The following ADAM7 variants were observed in gnomAD, a reference collection of about 807,000 sequenced individuals.
ADAM7 encodes disintegrin and metalloproteinase domain-containing protein 7.
In ADAM7, 97 loss-of-function variants were observed where a neutral mutation model predicts 102.9. That is an observed-to-expected ratio of 0.94 (90% CI 0.80 to 1.12). ADAM7 has a LOEUF of 1.12. Among genes scored for constraint, ADAM7 ranks in the 50% most tolerant of loss-of-function variants. The pLI is 0.00. For synonymous variants in ADAM7, 334 were observed against 304.4 expected (o/e 1.10, Z -1.01); for missense variants, 991 against 908.7 (o/e 1.09, Z -1.16).
In ADAM7 at chr8:24,492,092, G is replaced by C; in HGVS notation, c.1546G>C (p.Asp516His). The change falls in exon 14 of 22, where the codon GAT becomes CAT. Residue 516 changes from aspartate to histidine, a missense_variant. By Grantham distance (81) the Asp-to-His change is moderately conservative. Coordinates refer to ENST00000175238, the MANE Select transcript of ADAM7 (RefSeq NM_003817.4). ...TGAGGATCAGTGCTCTGAACTATTT[G>C]ATGATGGTGAGAGATAATCACAGTG... ...TREDQCSELF[D>H]DEAIESHDIC... 6.2e-7 allele frequency: 1 copy of C among 1,611,848 alleles called. No individual in the cohort carries two copies. Among genetic ancestry groups the C allele is most frequent in the South Asian group, 1.1e-5 (1 of 90,650 alleles).
At chr8:24,479,149 G>A (rs1819865223) in intron 8 of ADAM7, among the ~76,000 whole-genome samples, 1 of 152,052 alleles carries the variant, frequency 6.6e-6, no homozygotes, top group South Asian at 2.1e-4. Flanking sequence ...TTCAGTAGTG[G>A]CGTGTTGTTT....
intron 3 of ADAM7, among the ~76,000 whole-genome samples, chr8:24,450,837 G>T (rs12679187): frequency 1.3e-5 from 2 of 151,946 alleles, no homozygotes; most frequent in Non-Finnish European, 2.9e-5. Flanking sequence ...AATACCTAAT[G>T]TATTGAGAGT....
At chr8:24,454,854 T>A (rs536538600) in intron 3 of ADAM7, among the ~76,000 whole-genome samples, 15 of 152,202 alleles carry the variant, frequency 9.9e-5, no homozygotes, top group Non-Finnish European at 1.5e-4. Context: ...TATAAACTCA[T>A]GTTGAGAAAT....
intron 3 of ADAM7, among the ~76,000 whole-genome samples, chr8:24,447,937 AACACACACACAC>A (rs55836403): frequency 0.031 from 4,299 of 140,646 alleles, 172 homozygotes; most frequent in African/African-American, 0.09. Context: ...TAAATAACAA[AACACACACACAC>A]ACACACACAC....
chr8:24,445,358 A>G (rs999852331), intron 2 of ADAM7, among the ~76,000 whole-genome samples: 7 of 152,170 alleles, frequency 4.6e-5, no homozygotes, highest in African/African-American at 7.2e-5. Context: ...TAACTAATGC[A>G]CACTTAACAT....
At chr8:24,472,285 T>TA (rs201842284) in intron 7 of ADAM7, among the ~76,000 whole-genome samples, 12 of 150,870 alleles carry the variant, frequency 8.0e-5, no homozygotes, top group African/African-American at 2.2e-4. Flanking sequence ...ACCTTGCATT[T>TA]AAAAAAAAAG....
At chr8:24,494,483 G>A (rs1424812240) in intron 16 of ADAM7, among the ~76,000 whole-genome samples, 1 of 151,456 alleles carries the variant, frequency 6.6e-6, no homozygotes, top group Non-Finnish European at 1.5e-5. Flanking sequence ...CTTTAAGAGT[G>A]GCAAGGACTG....
intron 4 of ADAM7, among the ~76,000 whole-genome samples, chr8:24,465,288 ATG>A (rs1483242614): frequency 2.6e-5 from 4 of 152,188 alleles, no homozygotes; most frequent in Non-Finnish European, 4.4e-5. Context: ...TTGGACTACC[ATG>A]GGCAGAGCAT....
Position 24,489,186 on chromosome 8 carries a change from C to A in ADAM7, c.1119C>A (p.Cys373Ter), listed in dbSNP as rs1820250915. Residue 373 changes from cysteine (C) to a stop codon, truncating the protein, a stop_gained, in exon 12 of 22, where the codon TGC becomes TGA. Coordinates refer to ENST00000175238, the MANE Select transcript of ADAM7 (RefSeq NM_003817.4). LOFTEE classifies it high-confidence loss of function. ...TTCCTGCACTGAAATTCAGTAAATG[C>A]AGCCAAAACCAATACCACCAGTACT... ...GSIPALKFSK[C>*]SQNQYHQYLK... 4.3e-6 allele frequency: 7 copies of A among 1,611,080 alleles called. No individual in the cohort carries two copies. In the East Asian group the frequency reaches 8.9e-5, roughly 21 times the overall value.
chr8:24,471,294 A>G (rs1385210736), intron 7 of ADAM7, among the ~76,000 whole-genome samples: 2 of 152,100 alleles, frequency 1.3e-5, no homozygotes, highest in Admixed American at 6.6e-5. Context: ...ATAAAAATAT[A>G]CTTGTGTAAA....
Position 24,489,139 on chromosome 8 carries a change from T to C in ADAM7, c.1092-20T>C. The C allele has an allele frequency of 6.3e-7, 1 of 1,590,080 alleles. No individual in the cohort carries two copies. Among genetic ancestry groups the C allele is most frequent in the Non-Finnish European group, 8.6e-7 (1 of 1,168,848 alleles). ...GCATTGATATGATTAATCTTTATTT[T>C]TACCTCATTCTATCTCTAGCATTCC... On this transcript the variant is annotated intron_variant, in intron 11 of 21. Transcript: ENST00000175238.
intron 4 of ADAM7, among the ~76,000 whole-genome samples, chr8:24,465,111 A>C (rs1296873849): frequency 6.6e-6 from 1 of 152,156 alleles, no homozygotes; most frequent in Non-Finnish European, 1.5e-5. Context: ...ATGAGAGCTA[A>C]GTCTTCATGC....
intron 8 of ADAM7, 134 bp from the exon 9 acceptor site, chr8:24,482,008 A>T: frequency 1.8e-6 from 1 of 569,552 alleles, no homozygotes; most frequent in Non-Finnish European, 2.9e-6. Flanking sequence ...TTGCAACATG[A>T]GGCTTGCACT....
At chr8:24,472,915 TAAATA>T (rs1819654131) in intron 7 of ADAM7, among the ~76,000 whole-genome samples, 1 of 151,918 alleles carries the variant, frequency 6.6e-6, no homozygotes, top group Admixed American at 6.6e-5. Context: ...AGACAAAATA[TAAATA>T]AAAGTTACAC....
chr8:24,485,662 A>G (rs1261668995), intron 10 of ADAM7, among the ~76,000 whole-genome samples: 1 of 152,200 alleles, frequency 6.6e-6, no homozygotes, highest in Non-Finnish European at 1.5e-5. Context: ...ATAAGGACAA[A>G]TAATGCACAT....
At chr8:24,507,751 AC>A in intron 21 of ADAM7, among the ~76,000 whole-genome samples, 1 of 152,124 alleles carries the variant, frequency 6.6e-6, no homozygotes, top group Non-Finnish European at 1.5e-5. Context: ...TTCTAACCGG[AC>A]CAAAGGAGCA....
chr8:24,449,452 T>C (rs1340089288), intron 3 of ADAM7, among the ~76,000 whole-genome samples: 1 of 152,218 alleles, frequency 6.6e-6, no homozygotes, highest in African/African-American at 2.4e-5. Context: ...AAATATCTTC[T>C]TTTGAGAAGT....
In ADAM7 at chr8:24,493,198, T is replaced by C; in HGVS notation, c.1811T>C (p.Val604Ala). 6.2e-7 allele frequency: 1 copy of C among 1,609,118 alleles called. No homozygotes were observed. Among genetic ancestry groups the C allele is most frequent in the Admixed American group, 1.7e-5 (1 of 59,096 alleles). Residue 604 changes from valine to alanine, a missense_variant, in exon 16 of 22, where the codon GTG becomes GCG. Val to Ala is a moderately conservative substitution (Grantham distance 64). Coordinates refer to ENST00000175238, the MANE Select transcript of ADAM7 (RefSeq NM_003817.4). ...LYHDSTDIGL[V>A]ASGTKCGEGM... ...CATGATTCTACAGACATTGGCCTGGTGGCGTCAGGAACAAAATGTGGAGAG... is the reference window on the plus strand; with the variant it reads ...CATGATTCTACAGACATTGGCCTGGCGGCGTCAGGAACAAAATGTGGAGAG...
At chr8:24,487,807 T>C (rs1009713126) in intron 11 of ADAM7, among the ~76,000 whole-genome samples, 1 of 152,168 alleles carries the variant, frequency 6.6e-6, no homozygotes, top group Non-Finnish European at 1.5e-5. Context: ...CAACTGGTAG[T>C]GTCTCTCTCT....
Sources: gnomAD v4.1 joint callset for allele counts (sites outside exome capture counted in the v4.1 genomes callset) on GRCh38, gnomAD v4.1.1 for gene constraint, MANE v1.5 for transcripts, NCBI Gene and HGNC (gene_info 2026-07-23, HGNC 2026-07-21) for gene names.